The following ADARB2 variants were observed in gnomAD, a reference collection of about 807,000 sequenced individuals.
ADARB2 encodes inactive double-stranded RNA-specific editase B2.
A neutral mutation model predicts 62.2 loss-of-function variants in ADARB2; 25 were observed. That is an observed-to-expected ratio of 0.40 (90% CI 0.29 to 0.56). The LOEUF (loss-of-function observed/expected upper bound fraction) is 0.56. Ranked by LOEUF, ADARB2 falls within the 20% of genes least tolerant of loss-of-function variation. The probability of loss-of-function intolerance (pLI) is 0.43; values close to 1 mark genes in which losing one functional copy is unlikely to be tolerated. For missense variants in ADARB2, 1,071 were observed against 1,077.4 expected, an observed-to-expected ratio of 0.99 and a Z score of 0.08; for synonymous variants, 572 against 500.8, an observed-to-expected ratio of 1.14 and a Z score of -1.90.
intron 1 of ADARB2, among the ~76,000 whole-genome samples, chr10:1,476,531 G>C (rs563831182): frequency 6.6e-6 from 1 of 152,328 alleles, no homozygotes; most frequent in South Asian, 2.1e-4. Flanking sequence ...AGGCCTGAAC[G>C]CATCTGCCAG....
chr10:1,734,069 T>G (rs1835269179), intron 1 of ADARB2, among the ~76,000 whole-genome samples: 1 of 152,080 alleles, frequency 6.6e-6, no homozygotes, highest in East Asian at 1.9e-4. Flanking sequence ...CATTTTTCAT[T>G]TACATAAAAA....
intron 1 of ADARB2, among the ~76,000 whole-genome samples, chr10:1,400,959 A>G (rs11813382): frequency 8.7e-4 from 132 of 152,244 alleles, no homozygotes; most frequent in African/African-American, 3.0e-3. Flanking sequence ...AGGAGGGAAG[A>G]AGGCCTGAGA....
At chr10:1,694,128 A>G (rs1020666598) in intron 1 of ADARB2, among the ~76,000 whole-genome samples, 11 of 152,112 alleles carry the variant, frequency 7.2e-5, no homozygotes, top group Non-Finnish European at 1.0e-4. Flanking sequence ...GGTTCTTTTG[A>G]TTATTATTAG....
chr10:1,196,215 T>C (rs1228820183), intron 8 of ADARB2, among the ~76,000 whole-genome samples: 2 of 151,514 alleles, frequency 1.3e-5, no homozygotes, highest in Non-Finnish European at 2.9e-5. Flanking sequence ...CCTTTTTTTT[T>C]TTTTTTTTTT....
intron 1 of ADARB2, among the ~76,000 whole-genome samples, chr10:1,598,693 G>A (rs1014061160): frequency 1.3e-5 from 2 of 152,200 alleles, no homozygotes; most frequent in African/African-American, 4.8e-5. Flanking sequence ...GATGCAGAAG[G>A]CCCCAGGAGA....
At chr10:1,603,693 CTTTTT>C (rs11407289) in intron 1 of ADARB2, among the ~76,000 whole-genome samples, 2 of 143,562 alleles carry the variant, frequency 1.4e-5, no homozygotes, top group Admixed American at 6.9e-5. Flanking sequence ...GAGCTGTGAT[CTTTTT>C]TTTTTTTTTA....
At chr10:1,319,659 C>A (rs1455895363) in intron 3 of ADARB2, among the ~76,000 whole-genome samples, 1 of 152,178 alleles carries the variant, frequency 6.6e-6, no homozygotes, top group Non-Finnish European at 1.5e-5. Flanking sequence ...ATTTTTCCTT[C>A]TACAGAGTGT....
At chr10:1,235,498 CTCCCTCCCGGTGTTTACTCCCCT>C (rs1830860099) in intron 5 of ADARB2, among the ~76,000 whole-genome samples, 1 of 12,974 alleles carries the variant, frequency 7.7e-5, no homozygotes, top group Non-Finnish European at 1.9e-4. Flanking sequence ...TTACTCCCCT[CTCCCTCCCGGTGTTTACTCCCCT>C]CTGCCTCCCG....
chr10:1,538,177 A>G (rs905939700), intron 1 of ADARB2, among the ~76,000 whole-genome samples: 2 of 152,076 alleles, frequency 1.3e-5, no homozygotes, highest in African/African-American at 4.8e-5. Flanking sequence ...TGTCAGGGCC[A>G]ATGCCGTGTT....
Position 1,608,371 on chromosome 10 carries a change from C to T in ADARB2, c.100+128680G>A, listed in dbSNP as rs187587047. ...CCAAGAGAATTTAAATCGTCACCAG[C>T]GGCAGGAAATAGTGAGTGTGCAGTG... On this transcript the variant is annotated intron_variant, in intron 1 of 9. Coordinates refer to ENST00000381312, the MANE Select transcript of ADARB2 (RefSeq NM_018702.4). Among the ~76,000 whole-genome samples the T allele has an allele frequency of 1.2e-4, 18 of 151,984 alleles. No individual in the cohort carries two copies. The South Asian group carries it at 1.3e-3, about 11-fold the overall frequency.
chr10:1,259,918 C>T (rs1331475025), intron 4 of ADARB2, among the ~76,000 whole-genome samples: 2 of 152,130 alleles, frequency 1.3e-5, no homozygotes, highest in Admixed American at 6.5e-5. Context: ...ATGGGCAAAC[C>T]GAATCCAGCA....
chr10:1,712,333 G>C (rs577275181), intron 1 of ADARB2, among the ~76,000 whole-genome samples: 2 of 152,258 alleles, frequency 1.3e-5, no homozygotes, highest in African/African-American at 4.8e-5. Flanking sequence ...TTTTTTGAAA[G>C]ATTTCACACA....
intron 1 of ADARB2, among the ~76,000 whole-genome samples, chr10:1,443,867 A>C (rs544936945): frequency 6.6e-6 from 1 of 152,274 alleles, no homozygotes; most frequent in South Asian, 2.1e-4. Context: ...AAGGTAAAGA[A>C]ATGTTTCCTT....
At chr10:1,502,444 T>C (rs1335878236) in intron 1 of ADARB2, among the ~76,000 whole-genome samples, 3 of 152,246 alleles carry the variant, frequency 2.0e-5, no homozygotes, top group Non-Finnish European at 4.4e-5. Flanking sequence ...TTGCAAACTA[T>C]AGGCCTCCTT....
At chr10:1,452,832 A>G (rs113359480) in intron 1 of ADARB2, among the ~76,000 whole-genome samples, 1,746 of 152,256 alleles carry the variant, frequency 0.011, 28 homozygotes, top group Middle Eastern at 0.024. Context: ...AACCTTTTGT[A>G]TTTTTAGTGA....
chr10:1,578,662 A>AC (rs1564336535), intron 1 of ADARB2, among the ~76,000 whole-genome samples: 5 of 144,956 alleles, frequency 3.4e-5, no homozygotes, highest in Non-Finnish European at 7.7e-5. Flanking sequence ...TGTTACCCCA[A>AC]ACACACACAC....
At chr10:1,710,564 T>C (rs1020363215) in intron 1 of ADARB2, among the ~76,000 whole-genome samples, 1 of 152,218 alleles carries the variant, frequency 6.6e-6, no homozygotes, top group Non-Finnish European at 1.5e-5. Flanking sequence ...CCCACTGTCC[T>C]TGCCACTTAT....
intron 1 of ADARB2, among the ~76,000 whole-genome samples, chr10:1,430,461 A>G (rs1830767279): frequency 6.6e-6 from 1 of 152,264 alleles, no homozygotes; most frequent in African/African-American, 2.4e-5. Context: ...TGGATTTTTA[A>G]AAAACCCACA....
chr10:1,578,789 TG>T (rs1056873490), intron 1 of ADARB2, among the ~76,000 whole-genome samples: 1 of 151,368 alleles, frequency 6.6e-6, no homozygotes, highest in Non-Finnish European at 1.5e-5. Flanking sequence ...TTTACAGACA[TG>T]TCCCCCCCAT....
Sources: gnomAD v4.1 joint callset for allele counts (sites outside exome capture counted in the v4.1 genomes callset) on GRCh38, gnomAD v4.1.1 for gene constraint, MANE v1.5 for transcripts, NCBI Gene and HGNC (gene_info 2026-07-23, HGNC 2026-07-21) for gene names.